ME1: variants seen among roughly 807,000 people sequenced by gnomAD.
ME1 encodes malic enzyme 1, also known as NADP-dependent malic enzyme.
ME1 carries 74 observed loss-of-function variants against 66.4 expected under a neutral mutation model. That is an observed-to-expected ratio of 1.11 (90% CI 0.92 to 1.35). The LOEUF is 1.35. Among genes scored for constraint, ME1 ranks in the 40% most tolerant of loss-of-function variants. ME1 has a pLI of 0.00. For missense variants in ME1, 750 were observed against 694.1 expected, an observed-to-expected ratio of 1.08 and a Z score of -0.90; for synonymous variants, 251 against 235.6, an observed-to-expected ratio of 1.07 and a Z score of -0.60.
intron 1 of ME1, among the ~76,000 whole-genome samples, chr6:83,418,704 G>A (rs562710502): frequency 2.0e-5 from 3 of 152,260 alleles, no homozygotes; most frequent in Non-Finnish European, 4.4e-5. Flanking sequence ...CTACCCCAAC[G>A]AAACAGTGGC....
intron 1 of ME1, 52 bp from the exon 2 acceptor site, chr6:83,407,953 G>A (rs772627911): frequency 7.8e-5 from 117 of 1,506,464 alleles, no homozygotes; most frequent in Non-Finnish European, 9.9e-5. Context: ...GAGGAAAATA[G>A]ACAAAAAGCA....
At chr6:83,303,914 T>C (rs1767776665) in intron 6 of ME1, among the ~76,000 whole-genome samples, 1 of 152,180 alleles carries the variant, frequency 6.6e-6, no homozygotes. Context: ...TTATATACAT[T>C]ATTTTCTTTG....
chr6:83,235,719 G>A (rs1182194916), intron 9 of ME1, among the ~76,000 whole-genome samples: 3 of 152,072 alleles, frequency 2.0e-5, no homozygotes, highest in East Asian at 1.9e-4. Context: ...TGATCCACCC[G>A]CCTCGGCCTC....
In ME1 at chr6:83,414,213, C is replaced by T. The variant is rs150611179; in HGVS notation, c.79-6312G>A. ...CAGCCAGATGACATATGTATTTACA[C>T]GGTAAAGTTTACATCAGAAAATAAT... is the stretch of plus-strand genomic sequence containing the variant. On this transcript the variant is annotated intron_variant, in intron 1 of 13. Coordinates refer to ENST00000369705, the MANE Select transcript of ME1 (RefSeq NM_002395.6). Among the ~76,000 whole-genome samples the T allele has an allele frequency of 1.9e-3, 291 of 151,078 alleles. 3 individuals carry two copies. Among genetic ancestry groups the T allele is most frequent in the African/African-American group, 6.4e-3 (265 of 41,238 alleles).
intron 6 of ME1, among the ~76,000 whole-genome samples, chr6:83,305,607 G>A (rs1234191222): frequency 6.6e-6 from 1 of 152,150 alleles, no homozygotes; most frequent in Non-Finnish European, 1.5e-5. Flanking sequence ...CGTGGAGAAT[G>A]TGGGTGCAGG....
intron 6 of ME1, among the ~76,000 whole-genome samples, chr6:83,283,928 AAG>A (rs1228935388): frequency 1.3e-5 from 2 of 152,244 alleles, no homozygotes; most frequent in Non-Finnish European, 2.9e-5. Context: ...ATTCTGCACA[AAG>A]AATCAATGAC....
chr6:83,324,334 G>C (rs1454396063), intron 5 of ME1, among the ~76,000 whole-genome samples: 3 of 151,440 alleles, frequency 2.0e-5, no homozygotes, highest in African/African-American at 7.3e-5. Flanking sequence ...AAATAACTAA[G>C]ATCAGAGCAG....
Position 83,348,984 on chromosome 6 carries a change from C to CAAAAAAAAAAAA in ME1, c.439-2662_439-2651dup, listed in dbSNP as rs71545855. 2.1e-4 allele frequency among the ~76,000 whole-genome samples: 10 copies of CAAAAAAAAAAAA among 47,204 alleles called. 1 individual carries two copies. The highest frequency in any genetic ancestry group is 7.1e-4 in the African/African-American group (9 of 12,760). The allele number at this position is 47,204 out of a possible 152,430, so 31.0% of individuals were successfully genotyped here. ...GGGCAACAAGAGCAAAACTCTGTCT[C>CAAAAAAAAAAAA]AAAAAAAAAAAAAAAAACAAAAAAC... On this transcript the variant is annotated intron_variant, in intron 4 of 13. Coordinates refer to ENST00000369705, the MANE Select transcript of ME1 (RefSeq NM_002395.6).
At chr6:83,403,347 G>A (rs1435662905) in intron 2 of ME1, among the ~76,000 whole-genome samples, 1 of 152,176 alleles carries the variant, frequency 6.6e-6, no homozygotes, top group African/African-American at 2.4e-5. Context: ...ATTTCTCATA[G>A]TTTTGTAGGC....
At chr6:83,392,697 C>T (rs1198418446) in intron 3 of ME1, 2 of 611,530 alleles carry the variant, frequency 3.3e-6, no homozygotes, top group South Asian at 2.7e-5. Context: ...GCACTGAGTA[C>T]ATCATGGAGT....
At chr6:83,325,210 T>C (rs1768264686) in intron 5 of ME1, among the ~76,000 whole-genome samples, 1 of 152,126 alleles carries the variant, frequency 6.6e-6, no homozygotes, top group Admixed American at 6.5e-5. Context: ...TGATGAAACA[T>C]ATCTCAAAAT....
chr6:83,421,945 C>T (rs1037259635), intron 1 of ME1, among the ~76,000 whole-genome samples: 9 of 152,162 alleles, frequency 5.9e-5, no homozygotes, highest in Admixed American at 2.0e-4. Flanking sequence ...GTCTTCCAAT[C>T]GTATGGCATC....
At chr6:83,240,278 T>C (rs1266688761) in intron 7 of ME1, among the ~76,000 whole-genome samples, 6 of 152,112 alleles carry the variant, frequency 3.9e-5, no homozygotes, top group Non-Finnish European at 5.9e-5. Flanking sequence ...ATATTTTTGA[T>C]ACATTTGGAA....
chr6:83,346,857 C>G (rs1768696948), intron 4 of ME1, among the ~76,000 whole-genome samples: 1 of 152,136 alleles, frequency 6.6e-6, no homozygotes, highest in Non-Finnish European at 1.5e-5. Flanking sequence ...TGAAACATGT[C>G]CAGTACAGTC....
intron 6 of ME1, among the ~76,000 whole-genome samples, chr6:83,260,175 C>CT (rs1766857914): frequency 8.1e-6 from 1 of 122,712 alleles, no homozygotes. Flanking sequence ...ATAGCAAGGA[C>CT]CAAAAAAAAA....
At chr6:83,298,949 T>C in intron 6 of ME1, among the ~76,000 whole-genome samples, 1 of 130,328 alleles carries the variant, frequency 7.7e-6, no homozygotes, top group East Asian at 2.2e-4. Context: ...TTTTTTTTTT[T>C]TTTTTTTTTT....
At chr6:83,288,901 A>G (rs1767447953) in intron 6 of ME1, among the ~76,000 whole-genome samples, 1 of 152,042 alleles carries the variant, frequency 6.6e-6, no homozygotes, top group South Asian at 2.1e-4. Context: ...CTAGGTATTT[A>G]TTCTCTGAGT....
chr6:83,226,746 G>A (rs114147701), intron 11 of ME1, among the ~76,000 whole-genome samples: 2,900 of 151,998 alleles, frequency 0.019, 89 homozygotes, highest in African/African-American at 0.067. Context: ...CCTCTATTTT[G>A]TTGTAATGAT....
intron 3 of ME1, among the ~76,000 whole-genome samples, chr6:83,373,242 G>GTT (rs36120982): frequency 1.1e-4 from 17 of 151,094 alleles, no homozygotes; most frequent in African/African-American, 2.9e-4. Flanking sequence ...ACATGTATTT[G>GTT]TTTTTTTTTC....
Sources: allele counts gnomAD v4.1 joint callset (sites outside exome capture counted in the v4.1 genomes callset), GRCh38; gene constraint gnomAD v4.1.1; transcripts MANE v1.5; gene names NCBI Gene and HGNC (gene_info 2026-07-23, HGNC 2026-07-21).